The following THTPA variants were observed in gnomAD, a reference collection of about 807,000 sequenced individuals.
THTPA encodes thiamine triphosphatase.
In THTPA, 16 loss-of-function variants were observed where a neutral mutation model predicts 16.5. The ratio of observed to expected loss-of-function variants is 0.97; its 90% CI spans 0.66 to 1.47. The LOEUF is 1.47. THTPA is among the 40% of genes most tolerant of loss of function. The pLI is 0.00. For missense variants in THTPA, 281 were observed against 280.9 expected (o/e 1.00, Z 0.00); for synonymous variants, 110 against 115.5 (o/e 0.95, Z 0.30).
At chr14:23,529,430 C>A in the THTPA span, 3 of 407,800 alleles carry the variant, frequency 7.4e-6, no homozygotes, top group African/African-American at 2.1e-5. Context: ...CATGTACCCC[C>A]ACTCTTTCCT....
rs573811638 is a variant in THTPA, at chr14:23,559,015, C to G, written c.*175C>G. The G allele has an allele frequency of 1.3e-6, 1 of 745,992 alleles. No homozygotes were observed. Among genetic ancestry groups the G allele is most frequent in the Admixed American group, 3.0e-5 (1 of 33,472 alleles). 46.2% of individuals were successfully genotyped at this position (745,992 alleles called of 1,614,324 possible). ...TCCTTGAGCCCTCCCTGGCTGCTTC[C>G]TCTCGCTCATCCGTCAGATGCAATC... On this transcript the variant is annotated 3_prime_UTR_variant, in exon 2 of 2. Coordinates refer to ENST00000288014, the MANE Select transcript of THTPA (RefSeq NM_024328.6).
At chr14:23,523,026 A>T in the THTPA span, 1 of 1,412,978 alleles carries the variant, frequency 7.1e-7, no homozygotes, top group East Asian at 2.6e-5. This position sits in a 1 kb window ranked among gnomAD's most constrained non-coding sequence, Gnocchi z 4.1. Flanking sequence ...AGCCACACAC[A>T]CCCGTTCCCA....
At chr14:23,532,738 A>C in the THTPA span, 5 of 1,535,420 alleles carry the variant, frequency 3.3e-6, no homozygotes, top group South Asian at 4.8e-5. Flanking sequence ...CCATGGCTCC[A>C]CCCCCCTCCC....
upstream of THTPA, among the ~76,000 whole-genome samples, chr14:23,553,652 T>C (rs958005106): frequency 1.3e-5 from 2 of 151,744 alleles, no homozygotes; most frequent in African/African-American, 4.8e-5. Flanking sequence ...CCCAGCACTT[T>C]GGGAGGTGGA....
At chr14:23,531,475 C>T in the THTPA span, 2 of 1,399,478 alleles carry the variant, frequency 1.4e-6, no homozygotes, top group Non-Finnish European at 1.9e-6. Context: ...GTCCCTTCTT[C>T]CTCACCGGGA....
In THTPA at chr14:23,556,775, T is replaced by A; in HGVS notation, c.18T>A (p.Ile6=). The change falls in exon 1 of 2, where the codon ATT becomes ATA. Residue 6 remains isoleucine, a synonymous_variant. Coordinates refer to ENST00000288014, the MANE Select transcript of THTPA (RefSeq NM_024328.6). Reference sequence around the variant, plus strand: ...CAGGTAGCATGGCCCAGGGCTTGATTGAGGTGGAGCGAAAGTTCCTTCCAG... The same window carrying A: ...CAGGTAGCATGGCCCAGGGCTTGATAGAGGTGGAGCGAAAGTTCCTTCCAG... The part of the protein sequence containing the change: MAQGL[I]EVERKFLPGP... 1 of 1,613,460 alleles carries A rather than the reference T, an allele frequency of 6.2e-7. No individual in the cohort carries two copies. Among genetic ancestry groups the A allele is most frequent in the South Asian group, 1.1e-5 (1 of 90,962 alleles).
At position 23,556,918 on chromosome 14, in the gene THTPA, T is replaced by A. The variant is rs771768469; in HGVS notation, c.161T>A (p.Leu54Gln). 7.9e-5 allele frequency: 128 copies of A among 1,613,938 alleles called. No homozygotes were observed. The highest frequency in any genetic ancestry group is 1.0e-4 in the Non-Finnish European group (120 of 1,179,966). ...AGCCTCATGCAGGCTGACCACTGGCTGCGACGACGAGAGGATAGTGGATGG... is the reference window on the plus strand; with the variant it reads ...AGCCTCATGCAGGCTGACCACTGGCAGCGACGACGAGAGGATAGTGGATGG... ...ELSLMQADHWLRRREDSGWEL... is the reference protein window; with the variant it reads ...ELSLMQADHWQRRREDSGWEL... The change falls in exon 1 of 2, where the codon CTG becomes CAG. Residue 54 changes from leucine to glutamine, a missense_variant. Transcript: ENST00000288014.
chr14:23,558,200 C>T (rs1046973741), intron 1 of THTPA, among the ~76,000 whole-genome samples: 2 of 152,268 alleles, frequency 1.3e-5, no homozygotes, highest in African/African-American at 4.8e-5. Flanking sequence ...GTTCCATTCT[C>T]ACCTCACCAT....
At chr14:23,516,284 T>C in the THTPA span, among the ~76,000 whole-genome samples, 1 of 152,220 alleles carries the variant, frequency 6.6e-6, no homozygotes, top group South Asian at 2.1e-4. Context: ...GGATGGTCGA[T>C]CCAATCAGGG....
the THTPA span, chr14:23,527,927 G>A: frequency 3.6e-5 from 23 of 643,066 alleles, no homozygotes; most frequent in Admixed American, 7.0e-5. Context: ...TTTTTTTTTA[G>A]ATGGAGTCTG....
chr14:23,545,446 T>G, the THTPA span, among the ~76,000 whole-genome samples: 5 of 152,300 alleles, frequency 3.3e-5, no homozygotes, highest in Non-Finnish European at 7.4e-5. Context: ...CTTTCTCATT[T>G]AAATTGTGGC....
the THTPA span, among the ~76,000 whole-genome samples, chr14:23,550,794 C>T: frequency 7.4e-4 from 112 of 152,276 alleles, 1 homozygote; most frequent in African/African-American, 2.6e-3. Context: ...CAGCCAAAAA[C>T]GAACGAAGAC....
chr14:23,533,230 G>A, the THTPA span: 63 of 1,435,726 alleles, frequency 4.4e-5, no homozygotes, highest in Non-Finnish European at 5.2e-5. The surrounding 1 kb of genome is among the most constrained non-coding windows in gnomAD (Gnocchi z 4.8). Context: ...GAGAAAGCAC[G>A]GAATAGAGTT....
the THTPA span, chr14:23,543,066 T>C: frequency 6.6e-6 from 1 of 152,242 alleles, no homozygotes; most frequent in Non-Finnish European, 1.5e-5. Context: ...AATAAGTCTT[T>C]CTGGTTATTT....
chr14:23,541,773 T>G, the THTPA span, among the ~76,000 whole-genome samples: 1 of 152,204 alleles, frequency 6.6e-6, no homozygotes, highest in Non-Finnish European at 1.5e-5. Context: ...CTTTTTTTCT[T>G]TTTTCCAAAG....
At chr14:23,529,395 T>G in the THTPA span, 2 of 336,064 alleles carry the variant, frequency 6.0e-6, no homozygotes, top group Non-Finnish European at 1.1e-5. Context: ...TGTTTGCTTT[T>G]GCCTTTCTCC....
intron 1 of THTPA, among the ~76,000 whole-genome samples, chr14:23,558,376 A>G (rs982854357): frequency 1.3e-5 from 2 of 152,240 alleles, no homozygotes; most frequent in African/African-American, 2.4e-5. Context: ...GAACAGGGTA[A>G]TAACTGAAAT....
the THTPA span, chr14:23,523,571 T>C: frequency 6.5e-7 from 1 of 1,541,898 alleles, no homozygotes; most frequent in Non-Finnish European, 8.7e-7. This position sits in a 1 kb window ranked among gnomAD's most constrained non-coding sequence, Gnocchi z 4.1. Context: ...CCCCTGTAGT[T>C]TGGCCTTCTT....
At chr14:23,524,352 T>C in the THTPA span, 1 of 1,536,270 alleles carries the variant, frequency 6.5e-7, no homozygotes, top group Non-Finnish European at 8.7e-7. This position sits in a 1 kb window ranked among gnomAD's most constrained non-coding sequence, Gnocchi z 5.6. Context: ...TCAGGCAAGA[T>C]GGTGGTGCGC....
Sources: allele counts gnomAD v4.1 joint callset (sites outside exome capture counted in the v4.1 genomes callset), GRCh38; gene constraint gnomAD v4.1.1; non-coding constraint Gnocchi (gnomAD v3.1); transcripts MANE v1.5; gene names NCBI Gene and HGNC (gene_info 2026-07-23, HGNC 2026-07-21).